Variants in AKAP12 observed in about 807,000 individuals in gnomAD.
AKAP12 encodes A-kinase anchoring protein 12, also known as A-kinase anchor protein 12.
AKAP12 carries 32 observed loss-of-function variants against 79.9 expected under a neutral mutation model. The observed-to-expected ratio is 0.40, with a 90% CI of 0.30 to 0.54. The LOEUF (loss-of-function observed/expected upper bound fraction) is 0.54. Ranked by LOEUF, AKAP12 falls within the 20% of genes least tolerant of loss-of-function variation. The pLI, the probability that AKAP12 is intolerant of heterozygous loss-of-function variation, is 0.48. For synonymous variants in AKAP12, 808 were observed against 857.0 expected (o/e 0.94, Z 1.00); for missense variants, 2,074 against 2,177.0 (o/e 0.95, Z 0.94).
Position 151,268,945 on chromosome 6 carries a change from G to GTTTTT in AKAP12, c.162+28251_162+28255dup, listed in dbSNP as rs558502756. On this transcript the variant is annotated intron_variant, in intron 2 of 4. Coordinates refer to ENST00000402676, the MANE Select transcript of AKAP12 (RefSeq NM_005100.4). Reference sequence around the variant, plus strand: ...AGGCATGAGCCACCGTGCTCGGCCTGTTTTTTTTTTTTTTTTTTTTTTTTT... The same window carrying GTTTTT: ...AGGCATGAGCCACCGTGCTCGGCCTGTTTTTTTTTTTTTTTTTTTTTTTTTTTTTT... Among the ~76,000 whole-genome samples, 103 of 77,384 alleles carry GTTTTT rather than the reference G, an allele frequency of 1.3e-3. 18 individuals carry two copies. The highest frequency in any genetic ancestry group is 1.7e-3 in the Non-Finnish European group (63 of 38,076). 50.8% of individuals were successfully genotyped at this position (77,384 alleles called of 152,430 possible). A position where few individuals can be genotyped will look rare whatever the true frequency, so the allele number is the denominator to read the frequency against.
At chr6:151,274,033 AC>A (rs1459469412) in intron 2 of AKAP12, among the ~76,000 whole-genome samples, 17 of 151,008 alleles carry the variant, frequency 1.1e-4, no homozygotes, top group Non-Finnish European at 2.2e-4. Context: ...TGTCTCAAAA[AC>A]AAAAACAAAA....
chr6:151,251,452 A>G (rs758481710), intron 2 of AKAP12, among the ~76,000 whole-genome samples: 67 of 152,308 alleles, frequency 4.4e-4, no homozygotes, highest in African/African-American at 1.1e-3. Flanking sequence ...GACATCTCAG[A>G]TATCAGTGGG....
chr6:151,327,078 G>A (rs1422208519), intron 3 of AKAP12, among the ~76,000 whole-genome samples: 1 of 150,950 alleles, frequency 6.6e-6, no homozygotes, highest in African/African-American at 2.4e-5. Context: ...GTCTCCCAAA[G>A]TGCTAGGATT....
intron 2 of AKAP12, among the ~76,000 whole-genome samples, chr6:151,277,972 G>C (rs1582850890): frequency 1.2e-5 from 1 of 81,520 alleles, no homozygotes; most frequent in African/African-American, 3.5e-5. Context: ...GTGTGTGTGT[G>C]TCTGTCTGTT....
intron 3 of AKAP12, among the ~76,000 whole-genome samples, chr6:151,306,128 T>G (rs1002881420): frequency 7.9e-5 from 12 of 152,222 alleles, no homozygotes; most frequent in Admixed American, 3.9e-4. Context: ...GCTTTTTAAA[T>G]TATTGTTGCT....
chr6:151,308,095 G>A (rs879382019), intron 3 of AKAP12, among the ~76,000 whole-genome samples: 1 of 152,034 alleles, frequency 6.6e-6, no homozygotes, highest in Non-Finnish European at 1.5e-5. Context: ...GGCTGGTTTC[G>A]AACTTCTGAC....
chr6:151,328,772 C>G lies in AKAP12; in HGVS notation c.320-19939C>G, dbSNP rs539299070. Among the ~76,000 whole-genome samples, 590 of 152,140 alleles carry G rather than the reference C, an allele frequency of 3.9e-3. 1 individual carries two copies. The highest frequency in any genetic ancestry group is 5.9e-3 in the Non-Finnish European group (401 of 68,006). On this transcript the variant is annotated intron_variant, in intron 3 of 4. Transcript: ENST00000402676. ...TTAGTACTATGTTATTTTAGGAGGC[C>G]TGTGTTTAAATTTTACAATTCATTA...
chr6:151,262,236 T>G (rs1439730447), intron 2 of AKAP12, among the ~76,000 whole-genome samples: 1 of 152,244 alleles, frequency 6.6e-6, no homozygotes, highest in East Asian at 1.9e-4. Context: ...ATAACAGGCA[T>G]GAGCCACTGC....
chr6:151,242,540 A>G (rs1161117319), intron 2 of AKAP12, among the ~76,000 whole-genome samples: 1 of 152,234 alleles, frequency 6.6e-6, no homozygotes, highest in Admixed American at 6.5e-5. Context: ...TTTAGTTTTC[A>G]TTTGAACTAG....
chr6:151,266,032 A>C (rs1250178761), intron 2 of AKAP12, among the ~76,000 whole-genome samples: 2 of 152,230 alleles, frequency 1.3e-5, no homozygotes, highest in Admixed American at 1.3e-4. Flanking sequence ...ATTTGACAAA[A>C]TTGAGTCATT....
intron 3 of AKAP12, among the ~76,000 whole-genome samples, chr6:151,316,196 C>T (rs189148069): frequency 9.2e-5 from 14 of 152,302 alleles, no homozygotes; most frequent in South Asian, 2.1e-4. Flanking sequence ...TCAAATTGCT[C>T]TTTACTTCAA....
chr6:151,305,923 A>C lies in AKAP12; in HGVS notation c.319+20A>C. On this transcript the variant is annotated intron_variant, in intron 3 of 4. Coordinates refer to ENST00000402676, the MANE Select transcript of AKAP12 (RefSeq NM_005100.4). ...CAGAGGGTAAGCCGCCCCTCCAGGA[A>C]CTGGAAGGCACACAGCACTTGCAAC... 2 of 1,587,282 alleles carry C rather than the reference A, an allele frequency of 1.3e-6. No individual in the cohort carries two copies. The highest frequency in any genetic ancestry group is 1.7e-6 in the Non-Finnish European group (2 of 1,166,402).
At chr6:151,341,057 CTTTTTTTTTTT>C (rs11359622) in intron 3 of AKAP12, among the ~76,000 whole-genome samples, 3 of 138,192 alleles carry the variant, frequency 2.2e-5, no homozygotes, top group Non-Finnish European at 4.6e-5. Flanking sequence ...TCTTTTTTTT[CTTTTTTTTTTT>C]TTTGACACAG....
At chr6:151,348,680 T>TGGGGGGCC in intron 3 of AKAP12, 31 bp from the exon 4 acceptor site, 1 of 355,200 alleles carries the variant, frequency 2.8e-6, no homozygotes, top group Non-Finnish European at 5.5e-6. Flanking sequence ...TTTTCTCTTC[T>TGGGGGGCC]CCCCACCCCC....
chr6:151,246,489 C>T (rs114593792), intron 2 of AKAP12, among the ~76,000 whole-genome samples: 114 of 152,334 alleles, frequency 7.5e-4, no homozygotes, highest in African/African-American at 2.4e-3. Flanking sequence ...GGTTCTACCA[C>T]TTTGCAGTTC....
chr6:151,306,815 T>C (rs1290348775), intron 3 of AKAP12, among the ~76,000 whole-genome samples: 1 of 152,216 alleles, frequency 6.6e-6, no homozygotes, highest in Non-Finnish European at 1.5e-5. Flanking sequence ...AATATAAAGT[T>C]AGAAATATAC....
rs1403995212 is a variant in AKAP12 at position 151,348,477 on chromosome 6, GAAAATAA to G, written c.320-229_320-223del. 8.5e-6 allele frequency: 5 copies of G among 589,002 alleles called. No homozygotes were observed. In the Admixed American group the frequency reaches 1.3e-4, roughly 16 times the overall value. The allele number at this position is 589,002 out of a possible 1,614,324, so 36.5% of individuals were successfully genotyped here. On this transcript the variant is annotated intron_variant, in intron 3 of 4. Transcript: ENST00000402676. ...AACATAGTGAGATCTCATCTCTACA[GAAAATAA>G]AAAACTTAGCTGGACATGGTGGCAT...
Position 151,353,048 on chromosome 6 carries a change from A to C in AKAP12, c.4657A>C (p.Ile1553Leu). The change falls in exon 4 of 5, where the codon ATC becomes CTC. Residue 1553 changes from isoleucine to leucine, a missense_variant. Coordinates refer to ENST00000402676, the MANE Select transcript of AKAP12 (RefSeq NM_005100.4). ...CAAAAGCAGTAAACTTGTCCAAAACATCATCCAGACAGCCGTTGACCAGTT... is the reference window on the plus strand; with the variant it reads ...CAAAAGCAGTAAACTTGTCCAAAACCTCATCCAGACAGCCGTTGACCAGTT... ...ETKSSKLVQN[I>L]IQTAVDQFVR... The C allele has an allele frequency of 6.2e-7, 1 of 1,614,250 alleles. No individual in the cohort carries two copies. The highest frequency in any genetic ancestry group is 8.5e-7 in the Non-Finnish European group (1 of 1,180,046).
intron 2 of AKAP12, among the ~76,000 whole-genome samples, chr6:151,241,222 A>G (rs1242492085): frequency 6.6e-6 from 1 of 152,178 alleles, no homozygotes; most frequent in Non-Finnish European, 1.5e-5. Context: ...CCTGGATGCC[A>G]GCGGTGCCTG....
Sources: allele counts gnomAD v4.1 joint callset (sites outside exome capture counted in the v4.1 genomes callset), GRCh38; gene constraint gnomAD v4.1.1; transcripts MANE v1.5; gene names NCBI Gene and HGNC (gene_info 2026-07-23, HGNC 2026-07-21).